The following SFMBT2 variants were observed in gnomAD, a reference collection of about 807,000 sequenced individuals.
SFMBT2 encodes the protein Scm like with four mbt domains 2.
A neutral mutation model predicts 110.1 loss-of-function variants in SFMBT2; 38 were observed. The observed-to-expected ratio is 0.35, with a 90% CI of 0.27 to 0.45. The LOEUF (loss-of-function observed/expected upper bound fraction) is 0.45, where lower values mean the gene tolerates loss of function less well. SFMBT2 is among the 20% of genes least tolerant of loss of function. SFMBT2 has a pLI of 1.00. For missense variants in SFMBT2, 1,011 were observed against 1,094.9 expected (o/e 0.92, Z 1.08); for synonymous variants, 425 against 425.4 (o/e 1.00, Z 0.01).
intron 16 of SFMBT2, among the ~76,000 whole-genome samples, chr10:7,183,115 G>A (rs1025184718): frequency 6.6e-6 from 1 of 152,120 alleles, no homozygotes; most frequent in African/African-American, 2.4e-5. Flanking sequence ...AATAATCTCA[G>A]AAAGAAGGAA....
intron 4 of SFMBT2, among the ~76,000 whole-genome samples, chr10:7,295,759 T>C (rs1842391392): frequency 6.6e-6 from 1 of 152,236 alleles, no homozygotes; most frequent in South Asian, 2.1e-4. Context: ...TGGCACTTAG[T>C]ATCTTGTGTG....
At chr10:7,258,825 A>C (rs1841113391) in intron 7 of SFMBT2, among the ~76,000 whole-genome samples, 1 of 152,226 alleles carries the variant, frequency 6.6e-6, no homozygotes, top group South Asian at 2.1e-4. Flanking sequence ...AATCAATAGT[A>C]TTATGACATT....
chr10:7,234,444 T>C (rs1204926330), intron 9 of SFMBT2, among the ~76,000 whole-genome samples: 1 of 152,174 alleles, frequency 6.6e-6, no homozygotes, highest in Non-Finnish European at 1.5e-5. Context: ...GGGTCTAACA[T>C]CATATAAATA....
chr10:7,221,324 T>C (rs1323243817), intron 10 of SFMBT2, among the ~76,000 whole-genome samples: 3 of 151,866 alleles, frequency 2.0e-5, no homozygotes, highest in South Asian at 2.1e-4. Flanking sequence ...CCCAGCACTT[T>C]AGGAGGCTGA....
chr10:7,305,662 G>A (rs1269127370), intron 4 of SFMBT2, among the ~76,000 whole-genome samples: 1 of 152,218 alleles, frequency 6.6e-6, no homozygotes, highest in African/African-American at 2.4e-5. Context: ...CTGGCAGTCT[G>A]GGGCAGCCTT....
At chr10:7,316,432 G>A (rs1218667714) in intron 4 of SFMBT2, among the ~76,000 whole-genome samples, 2 of 152,176 alleles carry the variant, frequency 1.3e-5, no homozygotes, top group African/African-American at 2.4e-5. Flanking sequence ...AGCGCCAATG[G>A]GTCAGTGATG....
intron 7 of SFMBT2, chr10:7,249,423 C>T (rs193201099): frequency 2.3e-4 from 161 of 694,940 alleles, no homozygotes; most frequent in Middle Eastern, 7.4e-4. Context: ...ATTTATCTTG[C>T]GGAGATGGAG....
chr10:7,228,735 C>CTCT (rs1491205985), intron 9 of SFMBT2, among the ~76,000 whole-genome samples: 17 of 36,564 alleles, frequency 4.6e-4, no homozygotes, highest in African/African-American at 1.4e-3. Context: ...TTCTTTCTTT[C>CTCT]CTTTCTCTCT....
At chr10:7,302,935 A>G (rs1434168082) in intron 4 of SFMBT2, among the ~76,000 whole-genome samples, 2 of 152,148 alleles carry the variant, frequency 1.3e-5, no homozygotes, top group Non-Finnish European at 2.9e-5. Flanking sequence ...GTCTTCTATG[A>G]TTCTTCAAAT....
At chr10:7,179,749 G>A (rs1838191159) in intron 16 of SFMBT2, among the ~76,000 whole-genome samples, 1 of 152,240 alleles carries the variant, frequency 6.6e-6, no homozygotes, top group Non-Finnish European at 1.5e-5. Flanking sequence ...ACATCGGAGC[G>A]ACGGATGAAG....
At chr10:7,200,202 C>T (rs1017103720) in intron 14 of SFMBT2, among the ~76,000 whole-genome samples, 1 of 152,202 alleles carries the variant, frequency 6.6e-6, no homozygotes, top group Non-Finnish European at 1.5e-5. Flanking sequence ...TCTAGAGCTA[C>T]TGGCCAAGAA....
In SFMBT2 at chr10:7,170,293, C is replaced by A. The variant is rs965744170; in HGVS notation, c.2544+635G>T. On this transcript the variant is annotated intron_variant, in intron 20 of 20. Transcript: ENST00000397167. This position sits in a 1 kb window ranked among gnomAD's most constrained non-coding sequence, Gnocchi z 4.6. ...ACCCAGATTTGCCAAAAGGCACTGA[C>A]AGGAGGCTCAACCAAAACCAGTTCT... Among the ~76,000 whole-genome samples, 8 of 152,232 alleles carry A rather than the reference C, an allele frequency of 5.3e-5. No individual in the cohort carries two copies. Among genetic ancestry groups the A allele is most frequent in the African/African-American group, 1.9e-4 (8 of 41,464 alleles).
At chr10:7,246,766 C>T (rs1174822476) in intron 8 of SFMBT2, among the ~76,000 whole-genome samples, 1 of 138,034 alleles carries the variant, frequency 7.2e-6, no homozygotes, top group Non-Finnish European at 1.6e-5. Context: ...CTACCGCTGA[C>T]AGGCTATGCA....
In SFMBT2 at chr10:7,367,545, G is replaced by A. The variant is rs1394081476; in HGVS notation, c.436+104C>T. Reference sequence around the variant, plus strand: ...AAGAACTGTGAGACCTTTGCACTAAGACCATTAGGGATTCTACGCAAGGTT... The same window carrying A: ...AAGAACTGTGAGACCTTTGCACTAAAACCATTAGGGATTCTACGCAAGGTT... On this transcript the variant is annotated intron_variant, in intron 4 of 20. Transcript: ENST00000397167. The surrounding 1 kb of genome is among the most constrained non-coding windows in gnomAD (Gnocchi z 6.2). 6.7e-6 allele frequency: 10 copies of A among 1,500,530 alleles called. No individual in the cohort carries two copies. The Admixed American group carries it at 2.1e-4, about 32-fold the overall frequency. The allele number at this position is 1,500,530 out of a possible 1,614,324, so 93.0% of individuals were successfully genotyped here. A position where few individuals can be genotyped will look rare whatever the true frequency, so the allele number is the denominator to read the frequency against.
intron 4 of SFMBT2, among the ~76,000 whole-genome samples, chr10:7,287,904 G>C (rs1036213064): frequency 2.0e-5 from 3 of 152,146 alleles, no homozygotes; most frequent in African/African-American, 7.2e-5. Flanking sequence ...CAATCAAAGG[G>C]TGCCAGGTTG....
Position 7,289,243 on chromosome 10 carries a change from T to A in SFMBT2, c.437-3289A>T, listed in dbSNP as rs546896597. On this transcript the variant is annotated intron_variant, in intron 4 of 20. Coordinates refer to ENST00000397167, the MANE Select transcript of SFMBT2 (RefSeq NM_001387889.1). ...TCCCATTACAAAAGAAGAACAATTA[T>A]TATAATCCAGCGATAAATGGTCCTG... is the stretch of plus-strand genomic sequence containing the variant. 5.7e-3 allele frequency among the ~76,000 whole-genome samples: 872 copies of A among 152,334 alleles called. 5 individuals carry two copies. Among genetic ancestry groups the A allele is most frequent in the Middle Eastern group, 0.041 (12 of 294 alleles).
intron 2 of SFMBT2, among the ~76,000 whole-genome samples, chr10:7,379,359 T>C (rs1013154479): frequency 1.3e-5 from 2 of 152,020 alleles, no homozygotes; most frequent in African/African-American, 4.8e-5. Flanking sequence ...GGTTAGCAGA[T>C]TGGAAAAAAT....
chr10:7,223,092 A>G (rs955659814), intron 10 of SFMBT2, among the ~76,000 whole-genome samples: 3 of 152,206 alleles, frequency 2.0e-5, no homozygotes, highest in Admixed American at 6.5e-5. Flanking sequence ...TAGGATTTGA[A>G]CATATGAATT....
intron 1 of SFMBT2, among the ~76,000 whole-genome samples, chr10:7,404,488 C>T (rs1846161132): frequency 6.6e-6 from 1 of 152,178 alleles, no homozygotes; most frequent in Admixed American, 6.5e-5. Context: ...TGCCGCTTCT[C>T]CCCCATGTCC....
Sources: gnomAD v4.1 joint callset for allele counts (sites outside exome capture counted in the v4.1 genomes callset) on GRCh38, gnomAD v4.1.1 for gene constraint, Gnocchi (gnomAD v3.1) non-coding constraint, MANE v1.5 for transcripts, NCBI Gene and HGNC (gene_info 2026-07-23, HGNC 2026-07-21) for gene names.